MUC5AC: variants seen among roughly 807,000 people sequenced by gnomAD.
MUC5AC encodes the protein mucin-5AC.
A neutral mutation model predicts 169.7 loss-of-function variants in MUC5AC; 158 were observed. The observed-to-expected ratio is 0.93, with a 90% CI of 0.82 to 1.06. The LOEUF is 1.06. MUC5AC is among the 50% of genes least tolerant of loss of function. MUC5AC has a pLI of 0.00. For synonymous variants in MUC5AC, 1,975 were observed against 1,237.0 expected (o/e 1.60, Z -12.52); for missense variants, 4,359 against 3,089.9 (o/e 1.41, Z -9.74).
At position 1,191,930 on chromosome 11, in the gene MUC5AC, C is replaced by G; in HGVS notation, c.13785C>G (p.Pro4595=). 1.3e-6 allele frequency: 1 copy of G among 749,390 alleles called. No individual in the cohort carries two copies. Among genetic ancestry groups the G allele is most frequent in the Non-Finnish European group, 2.4e-6 (1 of 410,492 alleles). 46.4% of individuals were successfully genotyped at this position (749,390 alleles called of 1,614,324 possible). The stretch of plus-strand genomic sequence containing the variant: ...CTGGTCCTGGAACTACTCCCAGCCC[C>G]GTTCCCACCACCAGCACAACCCCTG... The part of the protein sequence containing the change: ...TTSGPGTTPS[P]VPTTSTTPVS... The change falls in exon 31 of 49, where the codon CCC becomes CCG. Residue 4595 remains proline (P), a synonymous_variant. Coordinates refer to ENST00000621226, the MANE Select transcript of MUC5AC (RefSeq NM_001304359.2).
chr11:1,193,271 CAG>C (rs1237641204), intron 32 of MUC5AC, among the ~76,000 whole-genome samples: 1 of 151,450 alleles, frequency 6.6e-6, no homozygotes, highest in Admixed American at 6.6e-5. Context: ...GGGAGTGTGG[CAG>C]AGCCAGGGAG....
intron 15 of MUC5AC, among the ~76,000 whole-genome samples, chr11:1,171,742 C>T (rs1860549677): frequency 6.9e-6 from 1 of 144,076 alleles, no homozygotes; most frequent in Non-Finnish European, 1.5e-5. Flanking sequence ...CTCACCCATT[C>T]ACCCACTCAC....
In MUC5AC at chr11:1,164,480, G is replaced by A. The variant is rs755754887; in HGVS notation, c.1077G>A (p.Glu359=). The A allele has an allele frequency of 9.3e-6, 15 of 1,611,754 alleles. No individual in the cohort carries two copies. Among genetic ancestry groups the A allele is most frequent in the African/African-American group, 1.3e-5 (1 of 74,926 alleles). ...GCGCAGACACCTGCTCCAACCAGGAGCACTCCCGGGCCTGTGAGGACCACT... is the reference window on the plus strand; with the variant it reads ...GCGCAGACACCTGCTCCAACCAGGAACACTCCCGGGCCTGTGAGGACCACT... ...SPCADTCSNQ[E]HSRACEDHCV... is the part of the protein sequence containing the mutation. The change falls in exon 9 of 49, where the codon GAG becomes GAA. Residue 359 remains glutamate (E), a synonymous_variant. Coordinates refer to ENST00000621226, the MANE Select transcript of MUC5AC (RefSeq NM_001304359.2).
chr11:1,164,555 A>G (rs772692703), intron 9 of MUC5AC, 23 bp downstream of exon 9: 1 of 1,592,792 alleles, frequency 6.3e-7, no homozygotes, highest in South Asian at 1.1e-5. Context: ...CGCCCCTGGG[A>G]AACACAGGTG....
intron 26 of MUC5AC, among the ~76,000 whole-genome samples, chr11:1,179,535 T>C (rs1366291505): frequency 2.8e-4 from 34 of 122,162 alleles, no homozygotes; most frequent in Non-Finnish European, 2.9e-4. Context: ...GTCAGCAGAG[T>C]TGCCCAGCTC....
intron 15 of MUC5AC, among the ~76,000 whole-genome samples, chr11:1,171,060 CCACTCACCGACTCACCCATTCACA>C (rs1488852957): frequency 0.16 from 23,017 of 140,974 alleles, 2,255 homozygotes; most frequent in Non-Finnish European, 0.19. Context: ...ACCCATTCAC[CCACTCACCGACTCACCCATTCACA>C]CACTCACCGA....
chr11:1,172,610 G>T (rs947651913), intron 16 of MUC5AC, 87 bp downstream of exon 16: 6 of 398,348 alleles, frequency 1.5e-5, no homozygotes, highest in Non-Finnish European at 2.7e-5. Flanking sequence ...GCACTGGTGG[G>T]CTCAGCAGGC....
intron 37 of MUC5AC, 47 bp downstream of exon 37, chr11:1,196,101 C>A: frequency 2.7e-6 from 2 of 734,636 alleles, no homozygotes; most frequent in Non-Finnish European, 5.0e-6. Flanking sequence ...TTGTGAGGGG[C>A]ACAGGCACGC....
Position 1,200,566 on chromosome 11 carries a change from A to C in MUC5AC, c.16829A>C (p.Glu5610Ala). Residue 5610 changes from glutamate to alanine, a missense_variant, in exon 49 of 49, where the codon GAA becomes GCA. Glu to Ala is a moderately radical substitution (Grantham distance 107). Transcript: ENST00000621226. ...CGGGCCTTCAGCTACACCGAGGTGG[A>C]AGAGTGCGGCTGCATGGGCCGGCGG... ...SSRAFSYTEV[E>A]ECGCMGRRCP... 1.3e-6 allele frequency: 1 copy of C among 764,714 alleles called. No homozygotes were observed. The highest frequency in any genetic ancestry group is 1.3e-5 in the South Asian group (1 of 74,588). The allele number at this position is 764,714 out of a possible 1,614,324, so 47.4% of individuals were successfully genotyped here.
At chr11:1,168,353 G>A in intron 12 of MUC5AC, 130 bp from the exon 13 acceptor site, 1 of 867,460 alleles carries the variant, frequency 1.2e-6, no homozygotes, top group South Asian at 1.5e-5. Flanking sequence ...GCGAGCACAA[G>A]GCCACCTTGT....
Position 1,162,587 on chromosome 11 carries a change from A to G in MUC5AC, c.529A>G (p.Thr177Ala). Residue 177 changes from threonine (T) to alanine (A), a missense_variant, in exon 5 of 49, where the codon ACC becomes GCC. Transcript: ENST00000621226. Reference sequence around the variant, plus strand: ...CCTCATTCAGCAGAGCAGCAGCTACACCAAGGTGGAGGCCAGGCTGGGCCT... The same window carrying G: ...CCTCATTCAGCAGAGCAGCAGCTACGCCAAGGTGGAGGCCAGGCTGGGCCT... The part of the protein sequence containing the change: ...GVLIQQSSSY[T>A]KVEARLGLVL... 1 of 1,612,564 alleles carries G rather than the reference A, an allele frequency of 6.2e-7. No individual in the cohort carries two copies.
rs1057043622 is a variant in MUC5AC, at chr11:1,198,738, G to A, written c.16174-136G>A. Reference sequence around the variant, plus strand: ...AGGTGCCACCACGAGTCACCCCAGGGGTGCAACTCGGCCTGGTAGGAAGCG... The same window carrying A: ...AGGTGCCACCACGAGTCACCCCAGGAGTGCAACTCGGCCTGGTAGGAAGCG... On this transcript the variant is annotated intron_variant, in intron 43 of 48. Transcript: ENST00000621226. The A allele has an allele frequency of 6.3e-6, 4 of 631,706 alleles. No individual in the cohort carries two copies. In the African/African-American group the frequency reaches 7.2e-5, roughly 11 times the overall value. 39.1% of individuals were successfully genotyped at this position (631,706 alleles called of 1,614,324 possible).
At position 1,181,341 on chromosome 11, in the gene MUC5AC, G is replaced by A. The variant is rs1860810450; in HGVS notation, c.3891G>A (p.Thr1297=). 2 of 398,686 alleles carry A rather than the reference G, an allele frequency of 5.0e-6. No individual in the cohort carries two copies. The highest frequency in any genetic ancestry group is 7.1e-5 in the East Asian group (2 of 28,046). The allele number at this position is 398,686 out of a possible 1,614,324, so 24.7% of individuals were successfully genotyped here. The part of the protein sequence containing the change: ...GDVIYHTTDG[T]GGCISARCGA... ...TCATCTACCACACGACGGATGGCACGGGTGGCTGCATCTCCGCCCGCTGCG... is the reference window on the plus strand; with the variant it reads ...TCATCTACCACACGACGGATGGCACAGGTGGCTGCATCTCCGCCCGCTGCG... Residue 1297 remains threonine (T), a synonymous_variant, in exon 30 of 49, where the codon ACG becomes ACA. Transcript: ENST00000621226.
intron 15 of MUC5AC, among the ~76,000 whole-genome samples, chr11:1,170,525 C>T (rs1427457255): frequency 7.9e-6 from 1 of 126,642 alleles, no homozygotes; most frequent in Admixed American, 7.8e-5. Flanking sequence ...ATTCACTCAC[C>T]CATTCACCCA....
In MUC5AC at chr11:1,199,212, A is replaced by C. The variant is rs772783722; in HGVS notation, c.16395+27A>C. On this transcript the variant is annotated intron_variant, in intron 45 of 48. Coordinates refer to ENST00000621226, the MANE Select transcript of MUC5AC (RefSeq NM_001304359.2). ...TGAGTAGTGGCTGCCACAAAGAGGA[A>C]GGGCAGGGTCTGGGAGCACTGGGGC... 2.7e-5 allele frequency: 20 copies of C among 749,626 alleles called. No individual in the cohort carries two copies. In the Admixed American group the frequency reaches 3.5e-4, roughly 13 times the overall value. The allele number at this position is 749,626 out of a possible 1,614,324, so 46.4% of individuals were successfully genotyped here.
Position 1,200,757 on chromosome 11 carries a change from C to A in MUC5AC, c.*55C>A. The A allele has an allele frequency of 1.5e-6, 1 of 672,892 alleles. No individual in the cohort carries two copies. Among genetic ancestry groups the A allele is most frequent in the South Asian group, 1.7e-5 (1 of 60,376 alleles). 41.7% of individuals were successfully genotyped at this position (672,892 alleles called of 1,614,324 possible). On this transcript the variant is annotated 3_prime_UTR_variant, in exon 49 of 49. Coordinates refer to ENST00000621226, the MANE Select transcript of MUC5AC (RefSeq NM_001304359.2). ...GAGAACCTCCCATATGTCCTCTGAGCTCGGCTTCCAAGGCCAGTGGAACTT... is the reference window on the plus strand; with the variant it reads ...GAGAACCTCCCATATGTCCTCTGAGATCGGCTTCCAAGGCCAGTGGAACTT...
chr11:1,163,801 C>A lies in MUC5AC; in HGVS notation c.680-81C>A, dbSNP rs946304169. Reference sequence around the variant, plus strand: ...TTCTAACCCCACCCCAGGGACCCGGCCCTGGGGGCTCTGCTGCTCGGGTGC... The same window carrying A: ...TTCTAACCCCACCCCAGGGACCCGGACCTGGGGGCTCTGCTGCTCGGGTGC... On this transcript the variant is annotated intron_variant, in intron 6 of 48. Transcript: ENST00000621226. 9.6e-6 allele frequency: 11 copies of A among 1,149,980 alleles called. No individual in the cohort carries two copies. In the African/African-American group the frequency reaches 1.4e-4, roughly 14 times the overall value. 71.2% of individuals were successfully genotyped at this position (1,149,980 alleles called of 1,614,324 possible). A position where few individuals can be genotyped will look rare whatever the true frequency, so the allele number is the denominator to read the frequency against.
chr11:1,167,695 T>C (rs56110818), intron 11 of MUC5AC, among the ~76,000 whole-genome samples, 182 bp from the exon 12 acceptor site: 170 of 152,248 alleles, frequency 1.1e-3, no homozygotes, highest in African/African-American at 3.9e-3. Context: ...TGCATGCAGA[T>C]TTCTGTGTGT....
chr11:1,182,059 G>C (rs1015634153), intron 30 of MUC5AC, 96 bp from the exon 31 acceptor site: 42 of 397,532 alleles, frequency 1.1e-4, no homozygotes, highest in African/African-American at 8.1e-4. Flanking sequence ...CAGACCTGCT[G>C]GCGCAGCTCC....
Sources: gnomAD v4.1 joint callset for allele counts (sites outside exome capture counted in the v4.1 genomes callset) on GRCh38, gnomAD v4.1.1 for gene constraint, MANE v1.5 for transcripts, NCBI Gene and HGNC (gene_info 2026-07-23, HGNC 2026-07-21) for gene names.